MACROD2: variants seen among roughly 807,000 people sequenced by gnomAD.
The protein encoded by MACROD2 is mono-ADP ribosylhydrolase 2, also known as ADP-ribose glycohydrolase MACROD2.
Under a neutral mutation model 70.4 loss-of-function variants are expected in MACROD2, and 36 were observed. The ratio of observed to expected loss-of-function variants is 0.51; its 90% CI spans 0.39 to 0.68. The LOEUF (loss-of-function observed/expected upper bound fraction) is 0.68, where lower values mean the gene tolerates loss of function less well. Ranked by LOEUF, MACROD2 falls within the 30% of genes least tolerant of loss-of-function variation. The pLI is 0.00. For missense variants in MACROD2, 496 were observed against 538.4 expected, an observed-to-expected ratio of 0.92 and a Z score of 0.78; for synonymous variants, 172 against 178.8, an observed-to-expected ratio of 0.96 and a Z score of 0.30.
intron 2 of MACROD2, among the ~76,000 whole-genome samples, chr20:14,080,895 T>C (rs2053985056): frequency 6.6e-6 from 1 of 152,202 alleles, no homozygotes; most frequent in Non-Finnish European, 1.5e-5. Context: ...CTGTACCACT[T>C]GGTATAAGCT....
intron 5 of MACROD2, among the ~76,000 whole-genome samples, chr20:14,881,052 G>T (rs928743562): frequency 6.6e-6 from 1 of 152,116 alleles, no homozygotes; most frequent in African/African-American, 2.4e-5. Context: ...CCCAATTAGG[G>T]CCTACATGGC....
chr20:15,385,371 A>G (rs976988944), intron 6 of MACROD2, among the ~76,000 whole-genome samples: 3 of 152,322 alleles, frequency 2.0e-5, no homozygotes, highest in Middle Eastern at 3.4e-3. Flanking sequence ...TGTCTTTAGC[A>G]GGAAATAAAT....
chr20:14,198,550 A>G (rs1301676901), intron 3 of MACROD2, among the ~76,000 whole-genome samples: 1 of 152,204 alleles, frequency 6.6e-6, no homozygotes, highest in Non-Finnish European at 1.5e-5. Flanking sequence ...CAAAATATTA[A>G]AAGAAATAGA....
chr20:14,542,426 G>A (rs866076863), intron 4 of MACROD2, among the ~76,000 whole-genome samples: 2 of 152,258 alleles, frequency 1.3e-5, no homozygotes, highest in Middle Eastern at 3.4e-3. Context: ...CTTATACTAA[G>A]TTTTTATTTT....
At position 15,640,074 on chromosome 20, in the gene MACROD2, G is replaced by T. The variant is rs113944718; in HGVS notation, c.645+140227G>T. On this transcript the variant is annotated intron_variant, in intron 8 of 17. Coordinates refer to ENST00000684519, the MANE Select transcript of MACROD2 (RefSeq NM_001351661.2). ...AAGAGAGAAAGGGGGCGTGAGAGAA[G>T]GTGAGAGAAAAAAGGAGATAAAAGG... Among the ~76,000 whole-genome samples, 493 of 150,662 alleles carry T rather than the reference G, an allele frequency of 3.3e-3. 3 individuals are homozygous for T. Among genetic ancestry groups the T allele is most frequent in the African/African-American group, 0.011 (469 of 40,980 alleles).
At chr20:15,848,152 T>C (rs2064254334) in intron 8 of MACROD2, among the ~76,000 whole-genome samples, 1 of 152,198 alleles carries the variant, frequency 6.6e-6, no homozygotes, top group African/African-American at 2.4e-5. Context: ...GAAGGAGAAA[T>C]TCTTTTGGAA....
At chr20:15,119,728 A>C (rs2076017311) in intron 5 of MACROD2, among the ~76,000 whole-genome samples, 1 of 152,230 alleles carries the variant, frequency 6.6e-6, no homozygotes, top group South Asian at 2.1e-4. Context: ...TGTTAGGCAA[A>C]TGTCAGACAA....
intron 15 of MACROD2, among the ~76,000 whole-genome samples, chr20:16,019,337 G>A (rs2066970964): frequency 6.6e-6 from 1 of 152,202 alleles, no homozygotes; most frequent in Non-Finnish European, 1.5e-5. Flanking sequence ...CCACACTGGT[G>A]GAAATAAGGG....
intron 6 of MACROD2, among the ~76,000 whole-genome samples, chr20:15,240,454 A>T (rs571106812): frequency 6.6e-6 from 1 of 152,298 alleles, no homozygotes; most frequent in Non-Finnish European, 1.5e-5. Flanking sequence ...CTAGAGTCCC[A>T]GCTACTCAGG....
At chr20:15,576,816 C>G (rs1362889561) in intron 8 of MACROD2, among the ~76,000 whole-genome samples, 1 of 152,148 alleles carries the variant, frequency 6.6e-6, no homozygotes, top group Non-Finnish European at 1.5e-5. Context: ...AATAATTTCC[C>G]CAAGTTATCT....
chr20:14,464,407 TA>T (rs2123026847), intron 3 of MACROD2, among the ~76,000 whole-genome samples: 1 of 152,268 alleles, frequency 6.6e-6, no homozygotes, highest in Admixed American at 6.5e-5. Flanking sequence ...TTATTGCATC[TA>T]TTTGATTCTT....
At chr20:14,860,551 C>A (rs1379259460) in intron 5 of MACROD2, among the ~76,000 whole-genome samples, 2 of 152,254 alleles carry the variant, frequency 1.3e-5, no homozygotes, top group African/African-American at 2.4e-5. Flanking sequence ...TCTGGGACTC[C>A]TCCGGGTCTC....
chr20:14,183,006 T>G (rs1276535585), intron 3 of MACROD2, among the ~76,000 whole-genome samples: 1 of 149,914 alleles, frequency 6.7e-6, no homozygotes, highest in East Asian at 2.0e-4. Context: ...GTGGTGTGAG[T>G]GCAGTTTGTT....
At chr20:15,576,018 T>A (rs2146636660) in intron 8 of MACROD2, among the ~76,000 whole-genome samples, 1 of 152,334 alleles carries the variant, frequency 6.6e-6, no homozygotes, top group Non-Finnish European at 1.5e-5. Flanking sequence ...TTCAACTTAT[T>A]GATTCAAACA....
chr20:15,276,325 G>T (rs938398358), intron 6 of MACROD2, among the ~76,000 whole-genome samples: 1 of 151,200 alleles, frequency 6.6e-6, no homozygotes, highest in South Asian at 2.1e-4. Flanking sequence ...GCGTGAACCC[G>T]GGAGGCGGAG....
intron 5 of MACROD2, among the ~76,000 whole-genome samples, chr20:14,839,591 T>C (rs534807452): frequency 6.6e-6 from 1 of 152,242 alleles, no homozygotes; most frequent in South Asian, 2.1e-4. Flanking sequence ...TAATTTTTGC[T>C]CCAGTCTCTT....
chr20:13,995,587 G>C lies in MACROD2; in HGVS notation c.-177G>C, dbSNP rs2052624637. Reference sequence around the variant, plus strand: ...GGGTGGGAGCCGGAGCCGAGCGCGGGCTGAGGGAGGAGGGCGGCGACTGGA... The same window carrying C: ...GGGTGGGAGCCGGAGCCGAGCGCGGCCTGAGGGAGGAGGGCGGCGACTGGA... On this transcript the variant is annotated 5_prime_UTR_variant, in exon 1 of 18. Transcript: ENST00000684519. The surrounding 1 kb of genome is among the most constrained non-coding windows in gnomAD (Gnocchi z 4.3). 1.4e-6 allele frequency: 1 copy of C among 690,516 alleles called. No homozygotes were observed. Among genetic ancestry groups the C allele is most frequent in the Admixed American group, 2.1e-5 (1 of 48,004 alleles). 42.8% of individuals were successfully genotyped at this position (690,516 alleles called of 1,614,324 possible). A position where few individuals can be genotyped will look rare whatever the true frequency, so the allele number is the denominator to read the frequency against.
chr20:15,212,787 T>C, intron 5 of MACROD2, among the ~76,000 whole-genome samples: 1 of 152,168 alleles, frequency 6.6e-6, no homozygotes, highest in East Asian at 1.9e-4. Flanking sequence ...TTGAGTCTAG[T>C]CTAGACTGGT....
At position 15,826,686 on chromosome 20, in the gene MACROD2, C is replaced by G. The variant is rs966450113; in HGVS notation, c.646-36059C>G. On this transcript the variant is annotated intron_variant, in intron 8 of 17. Coordinates refer to ENST00000684519, the MANE Select transcript of MACROD2 (RefSeq NM_001351661.2). ...TGTCACAAAGGTGTTTAGTATAATG[C>G]GTTATAAATTATATGAGTGCAAAAT... Among the ~76,000 whole-genome samples, 3 of 152,074 alleles carry G rather than the reference C, an allele frequency of 2.0e-5. No individual in the cohort carries two copies. In the South Asian group the frequency reaches 6.2e-4, roughly 32 times the overall value.
Sources: allele counts gnomAD v4.1 joint callset (sites outside exome capture counted in the v4.1 genomes callset), GRCh38; gene constraint gnomAD v4.1.1; non-coding constraint Gnocchi (gnomAD v3.1); transcripts MANE v1.5; gene names NCBI Gene and HGNC (gene_info 2026-07-23, HGNC 2026-07-21).